CFDP1: variants seen among roughly 807,000 people sequenced by gnomAD.
The protein encoded by CFDP1 is chromatin remodeling protein CFDP1.
Under a neutral mutation model 40.1 loss-of-function variants are expected in CFDP1, and 31 were observed. That is an observed-to-expected ratio of 0.77 (90% CI 0.58 to 1.04). The LOEUF is 1.04. CFDP1 is among the 50% of genes least tolerant of loss of function. The probability of loss-of-function intolerance (pLI) is 0.00; values close to 1 mark genes in which losing one functional copy is unlikely to be tolerated. For missense variants in CFDP1, 423 were observed against 343.4 expected, an observed-to-expected ratio of 1.23 and a Z score of -1.83; for synonymous variants, 167 against 120.0, an observed-to-expected ratio of 1.39 and a Z score of -2.56.
At chr16:75,418,636 G>A (rs2650408) in intron 1 of CFDP1, among the ~76,000 whole-genome samples, 33,571 of 150,798 alleles carry the variant, frequency 0.22, 3,889 homozygotes, top group African/African-American at 0.27. Flanking sequence ...TCCTAGTTTT[G>A]TCCACTACAC....
chr16:75,376,300 A>T (rs2078795706), intron 5 of CFDP1, among the ~76,000 whole-genome samples: 1 of 152,218 alleles, frequency 6.6e-6, no homozygotes, highest in South Asian at 2.1e-4. Context: ...TTAGGTACCC[A>T]AGATAAATAA....
chr16:75,421,821 A>G (rs1366928667), intron 1 of CFDP1, among the ~76,000 whole-genome samples: 3 of 152,150 alleles, frequency 2.0e-5, no homozygotes, highest in Non-Finnish European at 2.9e-5. Flanking sequence ...CTGTCCCTCC[A>G]TATTTCTGGG....
chr16:75,429,117 G>A lies in CFDP1; in HGVS notation c.64+4172C>T, dbSNP rs180684137. ...GGACAAGAGAGACAGAGTCTGTCTC[G>A]AAAAAAAAGAAAAAAGAAAATGGGA... On this transcript the variant is annotated intron_variant, in intron 1 of 6. Coordinates refer to ENST00000283882, the MANE Select transcript of CFDP1 (RefSeq NM_006324.3). Among the ~76,000 whole-genome samples the A allele has an allele frequency of 9.4e-4, 141 of 150,686 alleles. 7 individuals are homozygous for A. The South Asian group carries it at 0.027, about 29-fold the overall frequency.
intron 1 of CFDP1, among the ~76,000 whole-genome samples, chr16:75,415,119 A>G (rs1353785357): frequency 6.6e-6 from 1 of 152,206 alleles, no homozygotes; most frequent in African/African-American, 2.4e-5. Flanking sequence ...GTATCTTTCA[A>G]ATCTAATTTA....
At chr16:75,328,845 A>ATT (rs569396422) in intron 5 of CFDP1, among the ~76,000 whole-genome samples, 3 of 131,580 alleles carry the variant, frequency 2.3e-5, no homozygotes, top group Non-Finnish European at 3.3e-5. Context: ...TGCTCAGCGA[A>ATT]TTTTTTTTTT....
intron 1 of CFDP1, among the ~76,000 whole-genome samples, chr16:75,422,959 C>T (rs940187722): frequency 1.4e-4 from 22 of 151,984 alleles, no homozygotes; most frequent in African/African-American, 5.3e-4. Flanking sequence ...GCTTGGGCAA[C>T]ATGGTGAGAG....
chr16:75,332,638 G>A (rs2078454302), intron 5 of CFDP1, among the ~76,000 whole-genome samples: 1 of 151,556 alleles, frequency 6.6e-6, no homozygotes, highest in South Asian at 2.1e-4. Context: ...CTACACCACA[G>A]CCTGGGCAAC....
intron 6 of CFDP1, among the ~76,000 whole-genome samples, chr16:75,299,549 C>G (rs958311676): frequency 6.6e-6 from 1 of 151,298 alleles, no homozygotes; most frequent in African/African-American, 2.4e-5. Context: ...GAGCTGAGAT[C>G]GCGCCACTGC....
In CFDP1 at chr16:75,311,708, C is replaced by T. The variant is rs191317600; in HGVS notation, c.651-6526G>A. Among the ~76,000 whole-genome samples the T allele has an allele frequency of 7.2e-5, 11 of 151,806 alleles. No homozygotes were observed. In the East Asian group the frequency reaches 2.1e-3, roughly 29 times the overall value. On this transcript the variant is annotated intron_variant, in intron 5 of 6. Transcript: ENST00000283882. ...CTTATTTGGAACAAAAATTCTTTGG[C>T]AGAGATATGCAGTTTCCTTAGTATT...
At chr16:75,394,012 G>A (rs908399172) in intron 5 of CFDP1, among the ~76,000 whole-genome samples, 1 of 151,766 alleles carries the variant, frequency 6.6e-6, no homozygotes, top group Non-Finnish European at 1.5e-5. Flanking sequence ...CCGAGATTGC[G>A]CCACTGCACT....
At chr16:75,396,114 C>T (rs1158311877) in intron 4 of CFDP1, among the ~76,000 whole-genome samples, 1 of 103,394 alleles carries the variant, frequency 9.7e-6, no homozygotes, top group Non-Finnish European at 2.3e-5. Flanking sequence ...CACACTGCAC[C>T]CCACATGCAG....
At chr16:75,309,122 G>C (rs2151502448) in intron 5 of CFDP1, among the ~76,000 whole-genome samples, 1 of 152,308 alleles carries the variant, frequency 6.6e-6, no homozygotes, top group Middle Eastern at 3.4e-3. Context: ...ATAACCAGGA[G>C]ACCAGCAGCT....
In CFDP1 at chr16:75,433,272, C is replaced by T. The variant is rs1937594742; in HGVS notation, c.64+17G>A. The stretch of plus-strand genomic sequence containing the variant: ...GGGCGGGGCAATTCGCTTCTCGCCT[C>T]AGGCGGAATCGCTCACCCGACGGCA... On this transcript the variant is annotated intron_variant, in intron 1 of 6. Transcript: ENST00000283882. 1.3e-6 allele frequency: 2 copies of T among 1,590,814 alleles called. No individual in the cohort carries two copies.
At chr16:75,387,882 A>T (rs2151556272) in intron 5 of CFDP1, among the ~76,000 whole-genome samples, 1 of 152,368 alleles carries the variant, frequency 6.6e-6, no homozygotes, top group Non-Finnish European at 1.5e-5. Flanking sequence ...AAGTATAGAA[A>T]ATGGTTATAT....
At chr16:75,400,049 C>T (rs943477066) in intron 4 of CFDP1, among the ~76,000 whole-genome samples, 2 of 140,714 alleles carry the variant, frequency 1.4e-5, no homozygotes, top group African/African-American at 2.7e-5. Flanking sequence ...TGCGGTGAGC[C>T]GAGATCGTGC....
intron 5 of CFDP1, among the ~76,000 whole-genome samples, chr16:75,368,146 G>C (rs1407604748): frequency 6.6e-6 from 1 of 152,082 alleles, no homozygotes; most frequent in African/African-American, 2.4e-5. Flanking sequence ...TGTGGACCTT[G>C]TTTACATCCT....
intron 5 of CFDP1, among the ~76,000 whole-genome samples, chr16:75,375,406 C>T (rs1280858207): frequency 2.0e-5 from 3 of 152,252 alleles, no homozygotes; most frequent in Non-Finnish European, 4.4e-5. Context: ...GGAAGAGTCA[C>T]TTTACACATG....
intron 4 of CFDP1, among the ~76,000 whole-genome samples, chr16:75,401,157 A>G (rs1281986653): frequency 1.3e-5 from 2 of 152,092 alleles, no homozygotes; most frequent in Non-Finnish European, 2.9e-5. Flanking sequence ...GGCTGGGCGC[A>G]GTGGCTCACG....
intron 6 of CFDP1, among the ~76,000 whole-genome samples, chr16:75,304,543 G>C (rs1169312346): frequency 5.9e-5 from 9 of 152,178 alleles, no homozygotes; most frequent in Non-Finnish European, 1.0e-4. Context: ...CTATCACACA[G>C]GCTATAGCCA....
Sources: allele counts gnomAD v4.1 joint callset (sites outside exome capture counted in the v4.1 genomes callset), GRCh38; gene constraint gnomAD v4.1.1; transcripts MANE v1.5; gene names NCBI Gene and HGNC (gene_info 2026-07-23, HGNC 2026-07-21).